The following COL11A1 variants were observed in gnomAD, a reference collection of about 807,000 sequenced individuals.
The protein encoded by COL11A1 is collagen type XI alpha 1 chain, also known as collagen alpha-1(XI) chain.
In COL11A1, 74 loss-of-function variants were observed where a neutral mutation model predicts 265.2. The observed-to-expected ratio is 0.28, with a 90% CI of 0.23 to 0.34. The LOEUF (loss-of-function observed/expected upper bound fraction) is 0.34. COL11A1 is among the 10% of genes least tolerant of loss of function. COL11A1 has a pLI of 1.00. For missense variants in COL11A1, 2,165 were observed against 2,263.6 expected (o/e 0.96, Z 0.88); for synonymous variants, 816 against 727.6 (o/e 1.12, Z -1.96).
chr1:102,937,975 A>G (rs2101263442), intron 44 of COL11A1, among the ~76,000 whole-genome samples: 1 of 152,348 alleles, frequency 6.6e-6, no homozygotes, highest in East Asian at 1.9e-4. Flanking sequence ...CTGGAGTATC[A>G]GTGCTATCAC....
At chr1:102,890,954 A>T (rs995515725) in intron 57 of COL11A1, among the ~76,000 whole-genome samples, 8 of 152,126 alleles carry the variant, frequency 5.3e-5, no homozygotes, top group Non-Finnish European at 1.0e-4. Context: ...GAAAAAAAAT[A>T]GACAAAATTT....
intron 46 of COL11A1, among the ~76,000 whole-genome samples, chr1:102,932,456 G>T (rs1404934505): frequency 6.6e-6 from 1 of 152,182 alleles, no homozygotes; most frequent in African/African-American, 2.4e-5. Context: ...TCTGCCGAGA[G>T]ATCCGCTGTT....
At chr1:103,030,338 A>C (rs958661372) in intron 5 of COL11A1, among the ~76,000 whole-genome samples, 1 of 152,124 alleles carries the variant, frequency 6.6e-6, no homozygotes, top group Non-Finnish European at 1.5e-5. Context: ...ACATACTTCT[A>C]GCATTGAAAG....
At chr1:103,069,200 A>G (rs1671380708) in intron 4 of COL11A1, among the ~76,000 whole-genome samples, 1 of 148,376 alleles carries the variant, frequency 6.7e-6, no homozygotes, top group African/African-American at 2.5e-5. Context: ...ATATTATGGT[A>G]GTAGTAAAAA....
chr1:103,050,368 T>C (rs903484984), intron 4 of COL11A1, among the ~76,000 whole-genome samples: 96 of 152,366 alleles, frequency 6.3e-4, no homozygotes, highest in Admixed American at 1.6e-3. Context: ...CCATCACTGA[T>C]ACCCTTTCTT....
chr1:103,046,250 T>C, intron 4 of COL11A1, among the ~76,000 whole-genome samples: 1 of 84,102 alleles, frequency 1.2e-5, no homozygotes, highest in Non-Finnish European at 2.5e-5. Context: ...GTAAAAGTGT[T>C]CCTATTTCTC....
At position 102,877,936 on chromosome 1, in the gene COL11A1, T is replaced by C; in HGVS notation, c.*83A>G. 1 of 1,439,006 alleles carries C rather than the reference T, an allele frequency of 6.9e-7. No individual in the cohort carries two copies. The highest frequency in any genetic ancestry group is 1.2e-5 in the South Asian group (1 of 86,882). 89.1% of individuals were successfully genotyped at this position (1,439,006 alleles called of 1,614,324 possible). On this transcript the variant is annotated 3_prime_UTR_variant, in exon 67 of 67. Transcript: ENST00000370096. ...AGCGTTGTTTTCTATACCATCCTTA[T>C]TCAAAACTTGCATGTGGCACAAAAT...
chr1:102,878,839 T>A (rs1043821311), intron 66 of COL11A1, among the ~76,000 whole-genome samples: 1 of 152,042 alleles, frequency 6.6e-6, no homozygotes, highest in Non-Finnish European at 1.5e-5. Context: ...TCTTTACCAT[T>A]ATAGTTAAGA....
intron 1 of COL11A1, among the ~76,000 whole-genome samples, chr1:103,086,652 C>G (rs1273241145): frequency 1.3e-5 from 2 of 152,002 alleles, no homozygotes; most frequent in South Asian, 2.1e-4. Context: ...TCCTGACTTC[C>G]TGATCCGCCC....
intron 26 of COL11A1, 138 bp from the exon 27 acceptor site, chr1:102,996,180 T>C: frequency 1.2e-6 from 1 of 803,416 alleles, no homozygotes. Flanking sequence ...TTTTGGTAGT[T>C]TACTCTTTAT....
intron 41 of COL11A1, among the ~76,000 whole-genome samples, chr1:102,955,788 T>G (rs2622849): frequency 6.6e-6 from 1 of 152,052 alleles, no homozygotes; most frequent in Non-Finnish European, 1.5e-5. Flanking sequence ...AAACATTTAC[T>G]CAGTTTATAT....
intron 4 of COL11A1, among the ~76,000 whole-genome samples, chr1:103,040,818 A>G (rs1208273272): frequency 6.6e-6 from 1 of 151,618 alleles, no homozygotes; most frequent in African/African-American, 2.4e-5. Context: ...TTTATCATAC[A>G]TTTTACATAA....
At chr1:102,947,523 G>A (rs1659426650) in intron 41 of COL11A1, among the ~76,000 whole-genome samples, 2 of 152,044 alleles carry the variant, frequency 1.3e-5, no homozygotes, top group South Asian at 4.1e-4. Context: ...CAAAGGATAA[G>A]CTATTAAATT....
At position 102,877,872 on chromosome 1, in the gene COL11A1, C is replaced by T; in HGVS notation, c.*147G>A. ...CTTTTGCCATGTGATTCTGCCCCCA[C>T]AAAGGCATCGGTATTTCCTAAATGG... On this transcript the variant is annotated 3_prime_UTR_variant, in exon 67 of 67. Coordinates refer to ENST00000370096, the MANE Select transcript of COL11A1 (RefSeq NM_001854.4). 4 of 749,182 alleles carry T rather than the reference C, an allele frequency of 5.3e-6. No homozygotes were observed. Among genetic ancestry groups the T allele is most frequent in the Admixed American group, 2.2e-5 (1 of 44,974 alleles). 46.4% of individuals were successfully genotyped at this position (749,182 alleles called of 1,614,324 possible). A position where few individuals can be genotyped will look rare whatever the true frequency, so the allele number is the denominator to read the frequency against.
At chr1:102,906,472 A>G (rs1419320320) in intron 54 of COL11A1, among the ~76,000 whole-genome samples, 1 of 152,156 alleles carries the variant, frequency 6.6e-6, no homozygotes, top group African/African-American at 2.4e-5. Context: ...CAGTAGAACA[A>G]TCATGACTCA....
In COL11A1 at chr1:102,987,671, T is replaced by C. The variant is rs1170275738; in HGVS notation, c.2464A>G (p.Thr822Ala). The C allele has an allele frequency of 2.5e-6, 4 of 1,613,600 alleles. 1 individual carries two copies. The highest frequency in any genetic ancestry group is 2.2e-5 in the South Asian group (2 of 91,084). ...PEGPKGRAGP[T>A]GDPGPSGQAG... Reference sequence around the variant, plus strand: ...TGACCTGAAGGACCTGGGTCTCCAGTTGGGCCTGCTCGACCTTTGGGTCCT... The same window carrying C: ...TGACCTGAAGGACCTGGGTCTCCAGCTGGGCCTGCTCGACCTTTGGGTCCT... Residue 822 changes from threonine (T) to alanine (A), a missense_variant, in exon 30 of 67, where the codon ACT becomes GCT. Physicochemically the swap from Thr to Ala is moderately conservative, Grantham distance 58. Coordinates refer to ENST00000370096, the MANE Select transcript of COL11A1 (RefSeq NM_001854.4).
At chr1:103,084,771 T>A (rs931425974) in intron 1 of COL11A1, among the ~76,000 whole-genome samples, 1 of 152,214 alleles carries the variant, frequency 6.6e-6, no homozygotes, top group East Asian at 1.9e-4. Flanking sequence ...TCACTTAATA[T>A]CCTCGATAGG....
At chr1:102,951,163 G>C (rs1409883314) in intron 41 of COL11A1, among the ~76,000 whole-genome samples, 2 of 152,066 alleles carry the variant, frequency 1.3e-5, no homozygotes, top group Non-Finnish European at 2.9e-5. Context: ...GTATTTTCCT[G>C]AGAATTAGAA....
At chr1:102,884,624 A>C (rs1479977269) in intron 63 of COL11A1, 4 of 152,240 alleles carry the variant, frequency 2.6e-5, no homozygotes, top group Non-Finnish European at 4.4e-5. Flanking sequence ...GAGCATGCGC[A>C]CAGCTCCAGG....
Sources: allele counts gnomAD v4.1 joint callset (sites outside exome capture counted in the v4.1 genomes callset), GRCh38; gene constraint gnomAD v4.1.1; transcripts MANE v1.5; gene names NCBI Gene and HGNC (gene_info 2026-07-23, HGNC 2026-07-21).